Variants in ATP2B2 observed in about 807,000 individuals in gnomAD.
The protein encoded by ATP2B2 is ATPase plasma membrane Ca2+ transporting 2.
ATP2B2 carries 15 observed loss-of-function variants against 120.0 expected under a neutral mutation model. The ratio of observed to expected loss-of-function variants is 0.12; its 90% confidence interval spans 0.08 to 0.19. The LOEUF (loss-of-function observed/expected upper bound fraction) is 0.19. ATP2B2 is among the 10% of genes least tolerant of loss of function. ATP2B2 has a pLI of 1.00. For missense variants in ATP2B2, 1,045 were observed against 1,719.8 expected, an observed-to-expected ratio of 0.61 and a Z score of 6.94; for synonymous variants, 694 against 700.3, an observed-to-expected ratio of 0.99 and a Z score of 0.14.
intron 3 of ATP2B2, among the ~76,000 whole-genome samples, chr3:10,519,485 G>A (rs539435657): frequency 2.6e-5 from 4 of 152,292 alleles, no homozygotes; most frequent in East Asian, 1.9e-4. Context: ...GTATGCTGAC[G>A]CATGGCAGCA....
intron 1 of ATP2B2, among the ~76,000 whole-genome samples, chr3:10,496,400 C>A (rs2066149751): frequency 6.6e-6 from 1 of 152,174 alleles, no homozygotes; most frequent in Non-Finnish European, 1.5e-5. Context: ...CACACAGCAT[C>A]CCACTCAGAA....
chr3:10,671,225 G>C (rs767999716), intron 1 of ATP2B2, among the ~76,000 whole-genome samples: 4 of 152,214 alleles, frequency 2.6e-5, no homozygotes, highest in Non-Finnish European at 5.9e-5. Flanking sequence ...GGAATGCAAC[G>C]GGAGGTGGTG....
At chr3:10,613,773 T>C (rs980942073) in intron 2 of ATP2B2, among the ~76,000 whole-genome samples, 1 of 152,072 alleles carries the variant, frequency 6.6e-6, no homozygotes, top group African/African-American at 2.4e-5. Flanking sequence ...AAACAGCAGC[T>C]TGGGGAGCCT....
chr3:10,513,957 C>T lies in ATP2B2; in HGVS notation c.-320+20082G>A, dbSNP rs191539158. ...GCAGAGACGGAAGAGGGGACACGCC[C>T]GCAAATGATAAATGGCCCTGAGACG... is the stretch of plus-strand genomic sequence containing the variant. On this transcript the variant is annotated intron_variant, in intron 3 of 21. Transcript: ENST00000646379. Among the ~76,000 whole-genome samples the T allele has an allele frequency of 3.3e-5, 5 of 152,210 alleles. No individual in the cohort carries two copies. The East Asian group carries it at 5.8e-4, about 18-fold the overall frequency.
intron 1 of ATP2B2, among the ~76,000 whole-genome samples, chr3:10,500,129 G>T (rs748964220): frequency 6.6e-6 from 1 of 151,776 alleles, no homozygotes; most frequent in South Asian, 2.1e-4. Context: ...GTAGAAACGG[G>T]GTTTTGCCAT....
intron 1 of ATP2B2, among the ~76,000 whole-genome samples, chr3:10,454,180 C>A (rs1051801987): frequency 5.9e-5 from 9 of 152,208 alleles, no homozygotes; most frequent in Admixed American, 5.9e-4. Context: ...AGAGAGACAA[C>A]TAAATTAGTG....
chr3:10,686,043 C>CTTTTTTTTTTTTTTTTTT (rs34073958), intron 1 of ATP2B2, among the ~76,000 whole-genome samples: 2 of 93,224 alleles, frequency 2.1e-5, no homozygotes, highest in African/African-American at 8.3e-5. Context: ...TTCCTCCTTT[C>CTTTTTTTTTTTTTTTTTT]TTTTTTTTTT....
rs2060233496 is a variant in ATP2B2, at chr3:10,340,162, T to C, written c.3237+80A>G. Reference sequence around the variant, plus strand: ...TGCCTGGGGTCTGGCAGCCCATTCCTGGGGGTCCTGGATTCTCCATCCAGT... The same window carrying C: ...TGCCTGGGGTCTGGCAGCCCATTCCCGGGGGTCCTGGATTCTCCATCCAGT... On this transcript the variant is annotated intron_variant, in intron 21 of 22. Transcript: ENST00000360273. The surrounding 1 kb of genome is among the most constrained non-coding windows in gnomAD (Gnocchi z 5.0). The C allele has an allele frequency of 1.4e-6, 2 of 1,399,090 alleles. No homozygotes were observed. Among genetic ancestry groups the C allele is most frequent in the Non-Finnish European group, 2.0e-6 (2 of 995,530 alleles). 86.7% of individuals were successfully genotyped at this position (1,399,090 alleles called of 1,614,324 possible).
chr3:10,488,820 C>T (rs2065827734), intron 1 of ATP2B2, among the ~76,000 whole-genome samples: 1 of 152,074 alleles, frequency 6.6e-6, no homozygotes, highest in Non-Finnish European at 1.5e-5. Flanking sequence ...TGCTCTCCTT[C>T]CTCTCACCTC....
chr3:10,487,363 G>A (rs1164232989), intron 1 of ATP2B2, among the ~76,000 whole-genome samples: 1 of 152,150 alleles, frequency 6.6e-6, no homozygotes, highest in Non-Finnish European at 1.5e-5. Context: ...AGAAAGCCCT[G>A]TGCTAGAAGG....
chr3:10,543,574 A>G (rs760158326), intron 2 of ATP2B2, among the ~76,000 whole-genome samples: 4 of 152,200 alleles, frequency 2.6e-5, no homozygotes, highest in Non-Finnish European at 4.4e-5. Context: ...GTTTTGGAAA[A>G]TATAGTTATT....
chr3:10,497,234 C>A (rs1190183213), intron 1 of ATP2B2, among the ~76,000 whole-genome samples: 1 of 152,228 alleles, frequency 6.6e-6, no homozygotes, highest in African/African-American at 2.4e-5. Context: ...AAACCCTCCT[C>A]TCCATGGCAA....
intron 1 of ATP2B2, among the ~76,000 whole-genome samples, chr3:10,488,779 C>A (rs1379038262): frequency 6.6e-6 from 1 of 152,166 alleles, no homozygotes; most frequent in Admixed American, 6.5e-5. Context: ...ACCATCCTCT[C>A]TCACCACACT....
intron 1 of ATP2B2, among the ~76,000 whole-genome samples, chr3:10,689,054 G>A (rs78299999): frequency 1.3e-5 from 2 of 152,166 alleles, no homozygotes; most frequent in Non-Finnish European, 2.9e-5. Context: ...CCAACACAAA[G>A]GATATCAGAT....
Position 10,378,320 on chromosome 3 carries a change from A to G in ATP2B2, c.1133T>C (p.Met378Thr). 1 of 1,609,762 alleles carries G rather than the reference A, an allele frequency of 6.2e-7. No individual in the cohort carries two copies. Among genetic ancestry groups the G allele is most frequent in the Non-Finnish European group, 8.5e-7 (1 of 1,180,014 alleles). The change falls in exon 10 of 23, where the codon ATG becomes ACG. Residue 378 changes from methionine to threonine, a missense_variant. By Grantham distance (81) the Met-to-Thr change is moderately conservative. This residue lies in a region of ATP2B2 where 145 missense variants were observed against 202.0 expected (regional missense o/e 0.72). Coordinates refer to ENST00000360273, the MANE Select transcript of ATP2B2 (RefSeq NM_001001331.4). Reference sequence around the variant, plus strand: ...CAGCACGGACTTCTCCTTCTTGTGCATGCTGGCCTTCTTCCTGTCGTCAGC... The same window carrying G: ...CAGCACGGACTTCTCCTTCTTGTGCGTGCTGGCCTTCTTCCTGTCGTCAGC... ...GDADDRKKAS[M>T]HKKEKSVLQG... is the part of the protein sequence containing the mutation.
At chr3:10,622,209 C>T (rs1376530722) in intron 1 of ATP2B2, among the ~76,000 whole-genome samples, 2 of 152,134 alleles carry the variant, frequency 1.3e-5, no homozygotes, top group Admixed American at 6.5e-5. Flanking sequence ...GAGCTGTGGG[C>T]GGCCAGGCCT....
chr3:10,391,329 GC>G (rs2061842720), intron 5 of ATP2B2, among the ~76,000 whole-genome samples: 1 of 152,188 alleles, frequency 6.6e-6, no homozygotes, highest in Non-Finnish European at 1.5e-5. Context: ...CAGGGGCAAG[GC>G]CCTCACATTC....
chr3:10,705,971 G>A (rs2071890010), intron 1 of ATP2B2, among the ~76,000 whole-genome samples: 1 of 152,198 alleles, frequency 6.6e-6, no homozygotes, highest in South Asian at 2.1e-4. Flanking sequence ...GTTTTATTTA[G>A]TAATATGCCT....
chr3:10,387,130 T>C lies in ATP2B2; in HGVS notation c.908-618A>G, dbSNP rs576922512. Among the ~76,000 whole-genome samples, 130 of 152,316 alleles carry C rather than the reference T, an allele frequency of 8.5e-4. 1 individual carries two copies. The South Asian group carries it at 0.026, about 31-fold the overall frequency. On this transcript the variant is annotated intron_variant, in intron 6 of 22. Coordinates refer to ENST00000360273, the MANE Select transcript of ATP2B2 (RefSeq NM_001001331.4). ...TCCTACCACAGATTCAAACCCAGCA[T>C]GTGCACACTCTCCTTATGTCCTCTG...
Sources: gnomAD v4.1 joint callset for allele counts (sites outside exome capture counted in the v4.1 genomes callset) on GRCh38, gnomAD v4.1.1 for gene constraint, gnomAD v4.1.1 regional missense constraint, Gnocchi (gnomAD v3.1) non-coding constraint, MANE v1.5 for transcripts, NCBI Gene and HGNC (gene_info 2026-07-23, HGNC 2026-07-21) for gene names.